PPP1R9A: variants seen among roughly 807,000 people sequenced by gnomAD.
The protein encoded by PPP1R9A is protein phosphatase 1 regulatory subunit 9A, also known as neurabin-1.
Under a neutral mutation model 141.9 loss-of-function variants are expected in PPP1R9A, and 59 were observed. That is an observed-to-expected ratio of 0.42 (90% CI 0.34 to 0.52). PPP1R9A has a LOEUF of 0.52. Ranked by LOEUF, PPP1R9A falls within the 20% of genes least tolerant of loss-of-function variation. The pLI, the probability that PPP1R9A is intolerant of heterozygous loss-of-function variation, is 0.10. For missense variants in PPP1R9A, 1,444 were observed against 1,611.9 expected, an observed-to-expected ratio of 0.90 and a Z score of 1.78; for synonymous variants, 500 against 569.7, an observed-to-expected ratio of 0.88 and a Z score of 1.74.
intron 2 of PPP1R9A, among the ~76,000 whole-genome samples, chr7:95,085,653 G>A (rs1460431804): frequency 1.3e-5 from 2 of 151,646 alleles, no homozygotes; most frequent in Non-Finnish European, 2.9e-5. Flanking sequence ...GACCTCAAGT[G>A]ATCCACCTGC....
intron 2 of PPP1R9A, among the ~76,000 whole-genome samples, chr7:94,982,916 T>C (rs1800308730): frequency 6.6e-6 from 1 of 152,192 alleles, no homozygotes; most frequent in African/African-American, 2.4e-5. Context: ...GAATGGGTAT[T>C]GCCTAGGTTT....
chr7:95,022,071 A>G (rs1806048414), intron 2 of PPP1R9A, among the ~76,000 whole-genome samples: 2 of 152,210 alleles, frequency 1.3e-5, no homozygotes, highest in South Asian at 2.1e-4. Context: ...CAGTATGGCC[A>G]TTTTCACAAT....
rs137978008 is a variant in PPP1R9A, at chr7:95,131,150, C to T, written c.1649+10318C>T. On this transcript the variant is annotated intron_variant, in intron 4 of 19. Coordinates refer to ENST00000433360, the MANE Select transcript of PPP1R9A (RefSeq NM_001166160.2). ...CTTGAATTGTAACTCCCACAATTCC[C>T]ATGTCGTGGGAGGAACCTGCTAGGA... Among the ~76,000 whole-genome samples, 401 of 152,240 alleles carry T rather than the reference C, an allele frequency of 2.6e-3. 1 individual carries two copies. Among genetic ancestry groups the T allele is most frequent in the Non-Finnish European group, 4.6e-3 (314 of 68,016 alleles).
intron 5 of PPP1R9A, among the ~76,000 whole-genome samples, chr7:95,197,488 T>G (rs1349875071): frequency 6.6e-6 from 1 of 152,172 alleles, no homozygotes; most frequent in Non-Finnish European, 1.5e-5. Flanking sequence ...ATCACACCCC[T>G]TCTCATACTA....
At chr7:95,210,471 T>A (rs11762200) in intron 7 of PPP1R9A, among the ~76,000 whole-genome samples, 84,574 of 149,518 alleles carry the variant, frequency 0.57, 23,712 homozygotes, top group South Asian at 0.62. Flanking sequence ...TTCAAAAAAA[T>A]TTTTTTTTTT....
chr7:95,146,524 GC>G (rs776011622), intron 4 of PPP1R9A, among the ~76,000 whole-genome samples: 24 of 152,026 alleles, frequency 1.6e-4, no homozygotes, highest in Non-Finnish European at 2.9e-4. Flanking sequence ...GTGAATTTTG[GC>G]TTTTGTTGCC....
chr7:95,023,828 A>G (rs1251908887), intron 2 of PPP1R9A, among the ~76,000 whole-genome samples: 1 of 152,176 alleles, frequency 6.6e-6, no homozygotes, highest in Non-Finnish European at 1.5e-5. Flanking sequence ...TTGGGATTAC[A>G]GGCGTGAGCC....
At chr7:95,249,357 C>G (rs1798564062) in intron 9 of PPP1R9A, among the ~76,000 whole-genome samples, 1 of 151,922 alleles carries the variant, frequency 6.6e-6, no homozygotes, top group Admixed American at 6.6e-5. Context: ...ATAAGATCAC[C>G]AAAAGGGTTA....
chr7:95,107,294 A>G (rs1011351900), intron 2 of PPP1R9A, among the ~76,000 whole-genome samples: 5 of 152,136 alleles, frequency 3.3e-5, no homozygotes, highest in African/African-American at 1.2e-4. Flanking sequence ...TATATTAGGA[A>G]TATTCATGTT....
chr7:95,063,473 G>T (rs1448335875), intron 2 of PPP1R9A, among the ~76,000 whole-genome samples: 1 of 152,140 alleles, frequency 6.6e-6, no homozygotes, highest in East Asian at 1.9e-4. Flanking sequence ...TTTGAGACAA[G>T]AGAATCACTT....
intron 2 of PPP1R9A, among the ~76,000 whole-genome samples, chr7:94,935,476 G>A (rs1303927556): frequency 2.0e-5 from 3 of 152,182 alleles, no homozygotes; most frequent in East Asian, 1.9e-4. Context: ...AGCTATTAAC[G>A]TATGCAGGGC....
At chr7:94,960,967 A>C (rs1797573516) in intron 2 of PPP1R9A, among the ~76,000 whole-genome samples, 1 of 151,692 alleles carries the variant, frequency 6.6e-6, no homozygotes, top group Admixed American at 6.6e-5. Context: ...TTGTAGACCC[A>C]TTTATTGGCA....
intron 16 of PPP1R9A, among the ~76,000 whole-genome samples, chr7:95,278,805 A>G (rs1012406810): frequency 6.6e-6 from 1 of 152,132 alleles, no homozygotes; most frequent in African/African-American, 2.4e-5. Context: ...CAAAAACACA[A>G]TGTCAATATG....
At chr7:95,275,024 A>G (rs1050100586) in intron 16 of PPP1R9A, among the ~76,000 whole-genome samples, 1 of 152,212 alleles carries the variant, frequency 6.6e-6, no homozygotes, top group Non-Finnish European at 1.5e-5. Flanking sequence ...TAAAGATAAC[A>G]ATTTGCTGCT....
At chr7:95,224,340 G>A (rs554358110) in intron 7 of PPP1R9A, among the ~76,000 whole-genome samples, 1 of 152,186 alleles carries the variant, frequency 6.6e-6, no homozygotes, top group South Asian at 2.1e-4. Flanking sequence ...TGCTCCACAT[G>A]GAATATTCTG....
chr7:94,942,552 C>T (rs530052824), intron 2 of PPP1R9A, among the ~76,000 whole-genome samples: 1 of 152,224 alleles, frequency 6.6e-6, no homozygotes, highest in South Asian at 2.1e-4. Context: ...TCTGCCTTCC[C>T]AGCACTTTGG....
intron 4 of PPP1R9A, 71 bp downstream of exon 4, chr7:95,120,903 G>A (rs908382848): frequency 2.7e-6 from 4 of 1,480,448 alleles, no homozygotes; most frequent in Admixed American, 2.2e-5. Flanking sequence ...TTCAGTTGTA[G>A]CTTTTTGCTT....
In PPP1R9A at chr7:94,910,589, A is replaced by T. The variant is rs1424499845; in HGVS notation, c.476A>T (p.Tyr159Phe). ...SVHESGQNNR[Y>F]SPKKEKAGGS... is the part of the protein sequence containing the mutation. ...CATGAATCAGGACAGAACAACCGCT[A>T]TTCCCCAAAGAAAGAGAAAGCTGGA... The change falls in exon 2 of 20, where the codon TAT (tyrosine) becomes TTT (phenylalanine). Residue 159 changes from tyrosine to phenylalanine, a missense_variant. Physicochemically the swap from Tyr to Phe is conservative, Grantham distance 22. Transcript: ENST00000433360. This position sits in a 1 kb window ranked among gnomAD's most constrained non-coding sequence, Gnocchi z 4.5. 4.3e-6 allele frequency: 7 copies of T among 1,614,068 alleles called. No homozygotes were observed. The highest frequency in any genetic ancestry group is 4.2e-6 in the Non-Finnish European group (5 of 1,180,042).
intron 2 of PPP1R9A, among the ~76,000 whole-genome samples, chr7:94,924,822 G>A (rs1584237870): frequency 1.3e-5 from 2 of 152,108 alleles, no homozygotes; most frequent in African/African-American, 2.4e-5. Context: ...GTGCCACTGC[G>A]TCTGGCCTAC....
Sources: gnomAD v4.1 joint callset for allele counts (sites outside exome capture counted in the v4.1 genomes callset) on GRCh38, gnomAD v4.1.1 for gene constraint, Gnocchi (gnomAD v3.1) non-coding constraint, MANE v1.5 for transcripts, NCBI Gene and HGNC (gene_info 2026-07-23, HGNC 2026-07-21) for gene names.